ZNF717: variants seen among roughly 807,000 people sequenced by gnomAD.
ZNF717 encodes zinc finger protein 717, also known as krueppel-like factor X17.
A neutral mutation model predicts 13.8 loss-of-function variants in ZNF717; 9 were observed. That is an observed-to-expected ratio of 0.65 (90% CI 0.39 to 1.14). ZNF717 has a LOEUF of 1.14. ZNF717 is among the 50% of genes most tolerant of loss of function. The pLI, the probability that ZNF717 is intolerant of heterozygous loss-of-function variation, is 0.01. For missense variants in ZNF717, 1,040 were observed against 1,080.7 expected, an observed-to-expected ratio of 0.96 and a Z score of 0.53; for synonymous variants, 327 against 364.1, an observed-to-expected ratio of 0.90 and a Z score of 1.16.
At chr3:75,781,757 T>C (rs906806630) in intron 2 of ZNF717, among the ~76,000 whole-genome samples, 11 of 152,174 alleles carry the variant, frequency 7.2e-5, no homozygotes, top group Admixed American at 1.3e-4. Context: ...AAGTGATGTC[T>C]GCAGTTCCCA....
chr3:75,696,421 T>C, intron 6 of ZNF717, among the ~76,000 whole-genome samples: 1 of 152,430 alleles, frequency 6.6e-6, no homozygotes, highest in East Asian at 1.9e-4. Flanking sequence ...CAGAGACACA[T>C]TAAAAAAGCA....
exon 6 of ZNF717, chr3:75,710,015 A>C (rs544638576): frequency 6.6e-6 from 1 of 152,326 alleles, no homozygotes; most frequent in African/African-American, 2.4e-5. Flanking sequence ...TGAAGGGAGT[A>C]GTTTTCAGGC....
intron 5 of ZNF717, among the ~76,000 whole-genome samples, chr3:75,730,831 C>G (rs2106904559): frequency 1.3e-5 from 2 of 152,362 alleles, no homozygotes; most frequent in Non-Finnish European, 2.9e-5. Context: ...AGAAAGTCTA[C>G]TAATACAATT....
At chr3:75,732,636 T>C (rs1938671458), downstream of ZNF717, among the ~76,000 whole-genome samples, 3 of 152,174 alleles carry the variant, frequency 2.0e-5, no homozygotes, top group African/African-American at 7.2e-5. Context: ...AAACACTGAA[T>C]CTCCTGGAAC....
chr3:75,715,130 G>A (rs1475640493), intron 5 of ZNF717, among the ~76,000 whole-genome samples: 1 of 152,330 alleles, frequency 6.6e-6, no homozygotes, highest in Non-Finnish European at 1.5e-5. Flanking sequence ...ACCACAGTTT[G>A]GGTAAAGCAG....
chr3:75,731,806 T>C (rs1938581700), downstream of ZNF717, among the ~76,000 whole-genome samples: 1 of 152,222 alleles, frequency 6.6e-6, no homozygotes, highest in Admixed American at 6.5e-5. Context: ...ACAATCCTTT[T>C]TGGATTTGAA....
chr3:75,696,424 A>G (rs1216294677), intron 6 of ZNF717, among the ~76,000 whole-genome samples: 1 of 152,352 alleles, frequency 6.6e-6, no homozygotes, highest in African/African-American at 2.4e-5. Flanking sequence ...AGACACATTA[A>G]AAAAGCAAAC....
At chr3:75,741,131 G>A in intron 4 of ZNF717, 145 bp downstream of exon 4, 1 of 613,274 alleles carries the variant, frequency 1.6e-6, no homozygotes, top group South Asian at 1.9e-5. Flanking sequence ...GTTACCCCTG[G>A]GGACTATATA....
chr3:75,720,477 G>A (rs1276496346), intron 4 of ZNF717, among the ~76,000 whole-genome samples: 1 of 150,944 alleles, frequency 6.6e-6, no homozygotes, highest in Non-Finnish European at 1.5e-5. Context: ...AGACACTAGG[G>A]ACTTCAAGGA....
chr3:75,737,829 T>C lies in ZNF717; in HGVS notation c.1794A>G (p.Lys598=), dbSNP rs1490598218. The change falls in exon 5 of 5, where the codon AAA becomes AAG. Residue 598 remains lysine, a synonymous_variant. Coordinates refer to ENST00000652011, the MANE Select transcript of ZNF717 (RefSeq NM_001290208.3). ...KKPYECNECE[K]TFINKLNLGI... ...CAAGGTTTAACTTATTGATAAAGGT[T>C]TTCTCACATTCATTACATTCATAGG... is the stretch of plus-strand genomic sequence containing the variant. 6.4e-7 allele frequency: 1 copy of C among 1,551,500 alleles called. No homozygotes were observed. The highest frequency in any genetic ancestry group is 8.7e-7 in the Non-Finnish European group (1 of 1,147,096).
At chr3:75,774,647 G>A (rs1048561768) in intron 2 of ZNF717, among the ~76,000 whole-genome samples, 4 of 110,200 alleles carry the variant, frequency 3.6e-5, no homozygotes, top group African/African-American at 7.2e-5. Flanking sequence ...CTGAGACAGA[G>A]TCTTGCTCTG....
intron 6 of ZNF717, among the ~76,000 whole-genome samples, chr3:75,703,542 T>TAAATA (rs1553651651): frequency 1.4e-3 from 209 of 146,534 alleles, no homozygotes; most frequent in Non-Finnish European, 2.2e-3. Flanking sequence ...ATAATAATAA[T>TAAATA]AATAAATAAA....
chr3:75,750,102 C>G (rs1466133951), intron 2 of ZNF717, among the ~76,000 whole-genome samples: 2 of 151,192 alleles, frequency 1.3e-5, no homozygotes, highest in Non-Finnish European at 2.9e-5. Context: ...TACCCTGCTG[C>G]TAGGGTCTGA....
At chr3:75,750,536 GGTTCTGA>G (rs1941664517) in intron 2 of ZNF717, among the ~76,000 whole-genome samples, 1 of 141,016 alleles carries the variant, frequency 7.1e-6, no homozygotes, top group East Asian at 2.4e-4. Flanking sequence ...ACTGCTGCTG[GGTTCTGA>G]GGGTTTGCTC....
chr3:75,765,031 G>A (rs7649919), intron 2 of ZNF717, among the ~76,000 whole-genome samples: 1,531 of 58,846 alleles, frequency 0.026, 4 homozygotes, highest in African/African-American at 0.036. Context: ...ATATATATAT[G>A]TATATGTGTG....
chr3:75,722,675 G>C (rs200705263), intron 4 of ZNF717, among the ~76,000 whole-genome samples: 1 of 150,722 alleles, frequency 6.6e-6, no homozygotes, highest in African/African-American at 2.4e-5. Context: ...ATTAGCCAGC[G>C]TGGTGGTGAG....
chr3:75,763,014 T>C (rs1943161164), intron 2 of ZNF717, among the ~76,000 whole-genome samples: 1 of 151,978 alleles, frequency 6.6e-6, no homozygotes, highest in Non-Finnish European at 1.5e-5. Context: ...AGTTGGACTC[T>C]TACCTTACAC....
At chr3:75,752,169 G>C (rs913839865) in intron 2 of ZNF717, among the ~76,000 whole-genome samples, 1 of 138,640 alleles carries the variant, frequency 7.2e-6, no homozygotes, top group African/African-American at 2.7e-5. Context: ...TGGGTACTGA[G>C]TGTCCCTCAC....
At chr3:75,748,488 G>C (rs202111198) in intron 2 of ZNF717, among the ~76,000 whole-genome samples, 3 of 151,972 alleles carry the variant, frequency 2.0e-5, no homozygotes, top group South Asian at 2.1e-4. Context: ...AAAGCTTATC[G>C]ACCATGATCA....
Sources: allele counts gnomAD v4.1 joint callset (sites outside exome capture counted in the v4.1 genomes callset), GRCh38; gene constraint gnomAD v4.1.1; transcripts MANE v1.5; gene names NCBI Gene and HGNC (gene_info 2026-07-23, HGNC 2026-07-21).